The following BPNT1 variants were observed in gnomAD, a reference collection of about 807,000 sequenced individuals.
BPNT1 encodes the protein 3'(2'), 5'-bisphosphate nucleotidase 1.
Under a neutral mutation model 36.9 loss-of-function variants are expected in BPNT1, and 28 were observed. That is an observed-to-expected ratio of 0.76 (90% CI 0.56 to 1.04). The LOEUF (loss-of-function observed/expected upper bound fraction) is 1.04, where lower values mean the gene tolerates loss of function less well. BPNT1 is among the 50% of genes least tolerant of loss of function. The pLI is 0.00. For synonymous variants in BPNT1, 119 were observed against 130.9 expected, an observed-to-expected ratio of 0.91 and a Z score of 0.62; for missense variants, 313 against 372.9, an observed-to-expected ratio of 0.84 and a Z score of 1.32.
intron 5 of BPNT1, among the ~76,000 whole-genome samples, chr1:220,067,832 G>A (rs1663676315): frequency 6.6e-6 from 1 of 152,178 alleles, no homozygotes; most frequent in Admixed American, 6.5e-5. Context: ...ATTAACTGAT[G>A]TACTTTTTAT....
intron 1 of BPNT1, among the ~76,000 whole-genome samples, chr1:220,084,058 C>T (rs761687519): frequency 6.6e-6 from 1 of 152,034 alleles, no homozygotes; most frequent in Non-Finnish European, 1.5e-5. Flanking sequence ...TAGGGCGGGG[C>T]GCAGTGGCTC....
At chr1:220,079,990 A>G in intron 1 of BPNT1, 136 bp from the exon 2 acceptor site, 3 of 885,624 alleles carry the variant, frequency 3.4e-6, no homozygotes, top group Non-Finnish European at 4.8e-6. Flanking sequence ...ATTCTTTAAT[A>G]TATATTTACT....
At chr1:220,071,535 T>C (rs565067364) in intron 4 of BPNT1, among the ~76,000 whole-genome samples, 22 of 152,312 alleles carry the variant, frequency 1.4e-4, no homozygotes, top group African/African-American at 5.1e-4. Flanking sequence ...CATGTAAAAC[T>C]GCACAAGGTA....
At chr1:220,085,062 T>C (rs1398477515) in intron 1 of BPNT1, among the ~76,000 whole-genome samples, 1 of 151,784 alleles carries the variant, frequency 6.6e-6, no homozygotes, top group East Asian at 1.9e-4. Context: ...AATACAATGT[T>C]GGTTCTTGGT....
intron 5 of BPNT1, among the ~76,000 whole-genome samples, chr1:220,068,372 A>T (rs577837863): frequency 3.4e-4 from 51 of 151,878 alleles, no homozygotes; most frequent in South Asian, 2.1e-4. Flanking sequence ...TTAGGAGAGA[A>T]GGTGTTTCAC....
rs60390808 is a variant in BPNT1, at chr1:220,059,777, A to T, written c.687T>A (p.Ile229=). The change falls in exon 8 of 9, where the codon ATT becomes ATA. Residue 229 remains isoleucine, a synonymous_variant. Coordinates refer to ENST00000322067, the MANE Select transcript of BPNT1 (RefSeq NM_006085.6). ...ATACATAAGCAGAGGCTTTGCCTTCAATCAGCTGAATAATCTGTAAGGGTA... is the reference window on the plus strand; with the variant it reads ...ATACATAAGCAGAGGCTTTGCCTTCTATCAGCTGAATAATCTGTAAGGGTA... ...GGAGNKIIQL[I]EGKASAYVFA... The T allele has an allele frequency of 7.7e-4, 1,228 of 1,599,594 alleles. 11 individuals are homozygous for T. In the African/African-American group the frequency reaches 0.015, roughly 20 times the overall value.
Position 220,057,791 on chromosome 1 carries a change from TAAC to T in BPNT1, c.*1050_*1052del. 8.9e-7 allele frequency: 1 copy of T among 1,124,870 alleles called. No homozygotes were observed. The highest frequency in any genetic ancestry group is 1.2e-6 in the Non-Finnish European group (1 of 831,802). The allele number at this position is 1,124,870 out of a possible 1,614,324, so 69.7% of individuals were successfully genotyped here. ...AAATCTGTTTCATAAGCATATATAA[TAAC>T]ATCATATATATTCTTAATTGGAGTA... On this transcript the variant is annotated 3_prime_UTR_variant, in exon 9 of 9. Coordinates refer to ENST00000322067, the MANE Select transcript of BPNT1 (RefSeq NM_006085.6).
In BPNT1 at chr1:220,057,895, A is replaced by C. The variant is rs756791424; in HGVS notation, c.*949T>G. ...ATTGTGCCCTAAAGAAATCTGGTTT[A>C]GGCCAGGTGCGGTGGCTCACACCTG... On this transcript the variant is annotated 3_prime_UTR_variant, in exon 9 of 9. Coordinates refer to ENST00000322067, the MANE Select transcript of BPNT1 (RefSeq NM_006085.6). The C allele has an allele frequency of 2.9e-4, 376 of 1,301,242 alleles. No homozygotes were observed. The highest frequency in any genetic ancestry group is 3.6e-4 in the Non-Finnish European group (356 of 987,636). The allele number at this position is 1,301,242 out of a possible 1,614,324, so 80.6% of individuals were successfully genotyped here.
Position 220,058,204 on chromosome 1 carries a change from A to G in BPNT1, c.*640T>C, listed in dbSNP as rs531490211. 10 of 998,498 alleles carry G rather than the reference A, an allele frequency of 1.0e-5. No homozygotes were observed. In the African/African-American group the frequency reaches 1.7e-4, roughly 17 times the overall value. The allele number at this position is 998,498 out of a possible 1,614,324, so 61.9% of individuals were successfully genotyped here. A position where few individuals can be genotyped will look rare whatever the true frequency, so the allele number is the denominator to read the frequency against. Reference sequence around the variant, plus strand: ...AAAAAAAAAGAGAAATCTGGTTTAGAAGATAGGAATGTTCATTGAACATTG... The same window carrying G: ...AAAAAAAAAGAGAAATCTGGTTTAGGAGATAGGAATGTTCATTGAACATTG... On this transcript the variant is annotated 3_prime_UTR_variant, in exon 9 of 9. Transcript: ENST00000322067.
chr1:220,067,611 CATT>C (rs1663657069), intron 5 of BPNT1, among the ~76,000 whole-genome samples: 2 of 152,170 alleles, frequency 1.3e-5, no homozygotes, highest in African/African-American at 4.8e-5. Context: ...ATCATGGTCT[CATT>C]AGTACAATGT....
intron 4 of BPNT1, among the ~76,000 whole-genome samples, chr1:220,070,102 C>T (rs969301408): frequency 2.0e-5 from 3 of 152,106 alleles, no homozygotes; most frequent in African/African-American, 4.8e-5. Flanking sequence ...ACAGTTGCTA[C>T]TCATTTTTAT....
intron 3 of BPNT1, 51 bp from the exon 4 acceptor site, chr1:220,073,008 A>C (rs1477084166): frequency 5.0e-6 from 7 of 1,405,238 alleles, no homozygotes; most frequent in Non-Finnish European, 7.1e-6. Flanking sequence ...GTGTTTACAG[A>C]GTATGCTTTG....
intron 6 of BPNT1, among the ~76,000 whole-genome samples, chr1:220,066,709 A>G (rs1663565217): frequency 6.6e-6 from 1 of 152,228 alleles, no homozygotes; most frequent in Non-Finnish European, 1.5e-5. Context: ...TGTATAATAG[A>G]AAATCAAAGC....
At chr1:220,066,044 G>A in intron 6 of BPNT1, 1 of 1,501,940 alleles carries the variant, frequency 6.7e-7, no homozygotes, top group Non-Finnish European at 8.9e-7. Flanking sequence ...ACCTACTAGT[G>A]GAGCCAAAAC....
intron 1 of BPNT1, among the ~76,000 whole-genome samples, chr1:220,082,924 A>C (rs1382584067): frequency 6.6e-6 from 1 of 151,832 alleles, no homozygotes; most frequent in African/African-American, 2.4e-5. Context: ...AGTGTTTGAA[A>C]CTCTTCAAAA....
Position 220,069,476 on chromosome 1 carries a change from CA to C in BPNT1, c.334-45del, listed in dbSNP as rs1293831398. ...AAGGAAAATATCTAAATCAAGCACA[CA>C]AAATTCTAAAAATAGATTTAAATAG... On this transcript the variant is annotated intron_variant, in intron 4 of 8. Coordinates refer to ENST00000322067, the MANE Select transcript of BPNT1 (RefSeq NM_006085.6). The C allele has an allele frequency of 2.7e-6, 4 of 1,474,880 alleles. No individual in the cohort carries two copies. In the East Asian group the frequency reaches 6.9e-5, roughly 25 times the overall value. The allele number at this position is 1,474,880 out of a possible 1,614,324, so 91.4% of individuals were successfully genotyped here. A position where few individuals can be genotyped will look rare whatever the true frequency, so the allele number is the denominator to read the frequency against.
At chr1:220,083,290 T>C (rs1304650688) in intron 1 of BPNT1, among the ~76,000 whole-genome samples, 3 of 149,998 alleles carry the variant, frequency 2.0e-5, no homozygotes, top group African/African-American at 7.4e-5. Context: ...CTGTGACCAA[T>C]AGCTGTCTGG....
intron 6 of BPNT1, chr1:220,066,120 G>A: frequency 6.7e-7 from 1 of 1,503,642 alleles, no homozygotes; most frequent in Non-Finnish European, 8.9e-7. Context: ...TCATTGTTCT[G>A]TGGAAAATGA....
intron 8 of BPNT1, 110 bp downstream of exon 8, chr1:220,059,576 T>C (rs1420233514): frequency 4.3e-5 from 36 of 834,812 alleles, no homozygotes; most frequent in African/African-American, 7.0e-5. Context: ...AGCTGCCTTC[T>C]AGCTTTTATA....
Sources: gnomAD v4.1 joint callset for allele counts (sites outside exome capture counted in the v4.1 genomes callset) on GRCh38, gnomAD v4.1.1 for gene constraint, MANE v1.5 for transcripts, NCBI Gene and HGNC (gene_info 2026-07-23, HGNC 2026-07-21) for gene names.